The following SPAG16 variants were observed in gnomAD, a reference collection of about 807,000 sequenced individuals.
SPAG16 encodes sperm-associated antigen 16 protein.
SPAG16 carries 86 observed loss-of-function variants against 80.4 expected under a neutral mutation model. That is an observed-to-expected ratio of 1.07 (90% CI 0.90 to 1.28). The LOEUF (loss-of-function observed/expected upper bound fraction) is 1.28. SPAG16 is among the 50% of genes most tolerant of loss of function. SPAG16 has a pLI of 0.00. For missense variants in SPAG16, 870 were observed against 765.3 expected (o/e 1.14, Z -1.61); for synonymous variants, 294 against 265.9 (o/e 1.11, Z -1.03).
chr2:213,330,743 A>G (rs1345838606), intron 5 of SPAG16, among the ~76,000 whole-genome samples: 2 of 152,090 alleles, frequency 1.3e-5, no homozygotes, highest in East Asian at 1.9e-4. Flanking sequence ...CAGGTGTGCA[A>G]TATGGTTGGC....
chr2:214,235,401 T>C (rs1689005667), intron 15 of SPAG16, among the ~76,000 whole-genome samples: 1 of 152,124 alleles, frequency 6.6e-6, no homozygotes, highest in Admixed American at 6.6e-5. Context: ...TATTATACCA[T>C]ATTTATTGGT....
intron 15 of SPAG16, among the ~76,000 whole-genome samples, chr2:214,242,623 T>C (rs1689572764): frequency 6.6e-6 from 1 of 152,154 alleles, no homozygotes; most frequent in Non-Finnish European, 1.5e-5. Flanking sequence ...CATTTTTGAG[T>C]AGAAGAATCT....
intron 11 of SPAG16, among the ~76,000 whole-genome samples, chr2:213,925,396 G>A (rs1296760515): frequency 6.7e-6 from 1 of 149,416 alleles, no homozygotes; most frequent in Admixed American, 6.7e-5. Context: ...GTGTTGCCTA[G>A]GCTGGAGTGC....
chr2:213,343,303 G>A (rs576087328), intron 6 of SPAG16, among the ~76,000 whole-genome samples: 79 of 152,220 alleles, frequency 5.2e-4, no homozygotes, highest in African/African-American at 1.8e-3. Flanking sequence ...GTTGGTCCTA[G>A]ACAAAGTGTT....
intron 10 of SPAG16, among the ~76,000 whole-genome samples, chr2:213,538,504 A>T (rs1393959203): frequency 6.6e-6 from 1 of 152,134 alleles, no homozygotes; most frequent in Non-Finnish European, 1.5e-5. Flanking sequence ...TCCTTTTCTT[A>T]AAAAAATAAA....
intron 15 of SPAG16, among the ~76,000 whole-genome samples, chr2:214,227,702 A>ATGTG (rs3044944): frequency 0.28 from 40,215 of 145,484 alleles, 6,112 homozygotes; most frequent in East Asian, 0.39. Flanking sequence ...TGGAAGGTGT[A>ATGTG]TGTGTGTGTG....
chr2:213,584,063 T>C (rs1428998130), intron 10 of SPAG16, among the ~76,000 whole-genome samples: 1 of 152,234 alleles, frequency 6.6e-6, no homozygotes, highest in Non-Finnish European at 1.5e-5. Context: ...TCTTTGAAAC[T>C]AGGAGTTATG....
chr2:213,620,538 T>TG (rs1382651008), intron 10 of SPAG16, among the ~76,000 whole-genome samples: 3 of 152,058 alleles, frequency 2.0e-5, no homozygotes, highest in African/African-American at 7.2e-5. Context: ...GTGATCCACC[T>TG]GTCTCAGCCT....
intron 10 of SPAG16, among the ~76,000 whole-genome samples, chr2:213,787,244 A>G (rs1047450436): frequency 6.6e-6 from 1 of 152,150 alleles, no homozygotes; most frequent in African/African-American, 2.4e-5. Context: ...GAAAATTTAA[A>G]AAATACAAGA....
chr2:214,389,067 A>C (rs1312110977), intron 15 of SPAG16, among the ~76,000 whole-genome samples: 1 of 152,200 alleles, frequency 6.6e-6, no homozygotes, highest in Admixed American at 6.5e-5. Flanking sequence ...TTTGAAATCA[A>C]GAGAAATATT....
chr2:213,656,001 G>A (rs543752508), intron 10 of SPAG16, among the ~76,000 whole-genome samples: 1 of 152,200 alleles, frequency 6.6e-6, no homozygotes, highest in South Asian at 2.1e-4. Flanking sequence ...TAGTTACAGG[G>A]CAATTGTTTT....
chr2:213,753,787 G>A (rs1317571648), intron 10 of SPAG16, among the ~76,000 whole-genome samples: 2 of 152,216 alleles, frequency 1.3e-5, no homozygotes, highest in Non-Finnish European at 2.9e-5. Context: ...TGCAATTGTA[G>A]ATGGCATGAA....
intron 10 of SPAG16, among the ~76,000 whole-genome samples, chr2:213,512,162 T>A (rs975316418): frequency 1.3e-5 from 2 of 151,942 alleles, no homozygotes; most frequent in African/African-American, 4.8e-5. Flanking sequence ...GAAAAGGCAA[T>A]AAGAGGTAGA....
intron 10 of SPAG16, among the ~76,000 whole-genome samples, chr2:213,799,690 TATAAC>T (rs1227147452): frequency 1.3e-5 from 2 of 152,124 alleles, no homozygotes; most frequent in Non-Finnish European, 2.9e-5. Context: ...TTATAGAAAA[TATAAC>T]ATAAATGATT....
At chr2:214,114,496 C>T (rs2053832888) in intron 14 of SPAG16, among the ~76,000 whole-genome samples, 1 of 152,168 alleles carries the variant, frequency 6.6e-6, no homozygotes, top group Non-Finnish European at 1.5e-5. Flanking sequence ...CCTACTCAAG[C>T]CTCAGCAATG....
intron 12 of SPAG16, among the ~76,000 whole-genome samples, chr2:213,948,049 C>CG (rs2106312613): frequency 6.6e-6 from 1 of 152,136 alleles, no homozygotes; most frequent in South Asian, 2.1e-4. Flanking sequence ...AAATTTTTGA[C>CG]TCTCAGTAGT....
intron 15 of SPAG16, among the ~76,000 whole-genome samples, chr2:214,332,828 G>C (rs1697016967): frequency 6.6e-6 from 1 of 152,048 alleles, no homozygotes; most frequent in African/African-American, 2.4e-5. Context: ...AACTAATATA[G>C]GGGTTCTGTC....
chr2:213,423,385 C>T (rs959145797), intron 9 of SPAG16, among the ~76,000 whole-genome samples: 7 of 152,214 alleles, frequency 4.6e-5, no homozygotes, highest in Admixed American at 4.6e-4. Flanking sequence ...GGTTAGGTTA[C>T]CTTAAAATTA....
At chr2:213,597,352 T>C (rs373073968) in intron 10 of SPAG16, among the ~76,000 whole-genome samples, 1 of 152,176 alleles carries the variant, frequency 6.6e-6, no homozygotes, top group African/African-American at 2.4e-5. Flanking sequence ...TTGTAGAATA[T>C]AGTCAATATA....
Sources: gnomAD v4.1 joint callset for allele counts (sites outside exome capture counted in the v4.1 genomes callset) on GRCh38, gnomAD v4.1.1 for gene constraint, MANE v1.5 for transcripts, NCBI Gene and HGNC (gene_info 2026-07-23, HGNC 2026-07-21) for gene names.